The following HERC1 variants were observed in gnomAD, a reference collection of about 807,000 sequenced individuals.
HERC1 encodes HECT and RLD domain containing E3 ubiquitin protein ligase family member 1.
In HERC1, 160 loss-of-function variants were observed where a neutral mutation model predicts 554.3. The ratio of observed to expected loss-of-function variants is 0.29; its 90% CI spans 0.25 to 0.33. The LOEUF (loss-of-function observed/expected upper bound fraction) is 0.33, where lower values mean the gene tolerates loss of function less well. Ranked by LOEUF, HERC1 falls within the 10% of genes least tolerant of loss-of-function variation. The pLI is 1.00. For synonymous variants in HERC1, 2,175 were observed against 2,131.7 expected (o/e 1.02, Z -0.56); for missense variants, 4,919 against 5,918.5 (o/e 0.83, Z 5.54).
At chr15:63,635,129 C>T (rs1197023766) in intron 65 of HERC1, among the ~76,000 whole-genome samples, 1 of 151,910 alleles carries the variant, frequency 6.6e-6, no homozygotes, top group African/African-American at 2.4e-5. Context: ...CTCACTGCAG[C>T]CCCAAACTCC....
Position 63,654,245 on chromosome 15 carries a change from A to G in HERC1, c.10164T>C (p.Ala3388=). 6.2e-7 allele frequency: 1 copy of G among 1,614,022 alleles called. No individual in the cohort carries two copies. ...RLSSQHRQWA[A]QQLVRTLAAH... Reference sequence around the variant, plus strand: ...CAGCAAGAGTGCGCACGAGTTGCTGAGCTGCCCATTGCCGATGCTGTGAGG... The same window carrying G: ...CAGCAAGAGTGCGCACGAGTTGCTGGGCTGCCCATTGCCGATGCTGTGAGG... Residue 3388 remains alanine (A), a synonymous_variant, in exon 51 of 78, where the codon GCT becomes GCC. Coordinates refer to ENST00000443617, the MANE Select transcript of HERC1 (RefSeq NM_003922.4).
rs1304272623 is a variant in HERC1, at chr15:63,815,996, A to G, written c.-27+17831T>C. On this transcript the variant is annotated intron_variant, in intron 1 of 77. Coordinates refer to ENST00000443617, the MANE Select transcript of HERC1 (RefSeq NM_003922.4). ...AAACAGCATGAGGGTAACCATCCCC[A>G]CGATTCATTTACCTCCCACCGGGTC... Among the ~76,000 whole-genome samples, 3 of 152,162 alleles carry G rather than the reference A, an allele frequency of 2.0e-5. No individual in the cohort carries two copies. In the East Asian group the frequency reaches 5.8e-4, roughly 29 times the overall value.
At chr15:63,811,741 G>A (rs140195765) in intron 1 of HERC1, among the ~76,000 whole-genome samples, 2,990 of 149,986 alleles carry the variant, frequency 0.02, 92 homozygotes, top group African/African-American at 0.071. Flanking sequence ...CCCAGAAGGT[G>A]GAGCTTGCAG....
rs572953734 is a variant in HERC1, at chr15:63,658,475, A to C, written c.9599+69T>G. The C allele has an allele frequency of 3.3e-4, 462 of 1,400,374 alleles. 13 individuals are homozygous for C. In the South Asian group the frequency reaches 6.0e-3, roughly 18 times the overall value. 86.7% of individuals were successfully genotyped at this position (1,400,374 alleles called of 1,614,324 possible). Reference sequence around the variant, plus strand: ...AAAATTCTATCTCACCCTCCCAAACACCACCAGACTTCCAGCTAATGTACA... The same window carrying C: ...AAAATTCTATCTCACCCTCCCAAACCCCACCAGACTTCCAGCTAATGTACA... On this transcript the variant is annotated intron_variant, in intron 48 of 77. Transcript: ENST00000443617.
At chr15:63,621,330 C>T (rs1021349815) in intron 74 of HERC1, among the ~76,000 whole-genome samples, 1 of 152,228 alleles carries the variant, frequency 6.6e-6, no homozygotes, top group Admixed American at 6.5e-5. Context: ...CCCCCACTCT[C>T]TTCTGGCTTG....
intron 40 of HERC1, among the ~76,000 whole-genome samples, chr15:63,667,880 T>C (rs986472996): frequency 1.3e-5 from 2 of 152,204 alleles, no homozygotes; most frequent in Non-Finnish European, 2.9e-5. Flanking sequence ...CTCCTTTTCC[T>C]AGCCTACTCA....
intron 2 of HERC1, among the ~76,000 whole-genome samples, chr15:63,773,444 CAA>C (rs370465670): frequency 1.2e-4 from 9 of 72,912 alleles, no homozygotes; most frequent in Admixed American, 1.5e-4. Context: ...GACTCTGTCT[CAA>C]AAAAAAAAAA....
At chr15:63,652,262 G>C (rs1293611160) in intron 52 of HERC1, among the ~76,000 whole-genome samples, 152 bp downstream of exon 52, 11 of 152,138 alleles carry the variant, frequency 7.2e-5, no homozygotes, top group Admixed American at 7.2e-4. Flanking sequence ...ATCCTGGAAA[G>C]TTAAAAATAC....
intron 12 of HERC1, among the ~76,000 whole-genome samples, chr15:63,743,862 G>A (rs535185264): frequency 2.2e-4 from 33 of 152,258 alleles, no homozygotes; most frequent in Middle Eastern, 6.8e-3. Flanking sequence ...TGGTGTGGAT[G>A]CCAGTAGATA....
chr15:63,672,712 G>T lies in HERC1; in HGVS notation c.7847-18C>A. 1 of 1,532,342 alleles carries T rather than the reference G, an allele frequency of 6.5e-7. No homozygotes were observed. The highest frequency in any genetic ancestry group is 1.3e-5 in the South Asian group (1 of 79,828). 94.9% of individuals were successfully genotyped at this position (1,532,342 alleles called of 1,614,324 possible). A position where few individuals can be genotyped will look rare whatever the true frequency, so the allele number is the denominator to read the frequency against. On this transcript the variant is annotated intron_variant, in intron 38 of 77. Coordinates refer to ENST00000443617, the MANE Select transcript of HERC1 (RefSeq NM_003922.4). Reference sequence around the variant, plus strand: ...ATCAATCTCTAGAAACCAAAAAAAAGGTTAAGAAAGTAGTAAGGATTTGTT... The same window carrying T: ...ATCAATCTCTAGAAACCAAAAAAAATGTTAAGAAAGTAGTAAGGATTTGTT...
rs542567805 is a variant in HERC1 at position 63,721,146 on chromosome 15, T to C, written c.3742+2036A>G. ...AATATGAAATATCAGAAAATACATC[T>C]TAGAAAGTAAACTTTTTTCCTCCTC... On this transcript the variant is annotated intron_variant, in intron 19 of 77. Transcript: ENST00000443617. 2.6e-5 allele frequency among the ~76,000 whole-genome samples: 4 copies of C among 152,292 alleles called. No individual in the cohort carries two copies. In the South Asian group the frequency reaches 8.3e-4, roughly 32 times the overall value.
chr15:63,672,690 A>C lies in HERC1; in HGVS notation c.7851T>G (p.Ile2617Met). The C allele has an allele frequency of 7.5e-6, 12 of 1,594,180 alleles. No individual in the cohort carries two copies. The highest frequency in any genetic ancestry group is 1.0e-5 in the Non-Finnish European group (12 of 1,168,692). The change falls in exon 39 of 78, where the codon ATT (isoleucine) becomes ATG (methionine). Residue 2617 changes from isoleucine to methionine, a missense_variant. Ile to Met is a conservative substitution (Grantham distance 10, BLOSUM62 1). Around this residue, in one of 11 missense-constraint regions of HERC1, gnomAD observed 1,963 missense variants for 2,228.6 expected, o/e 0.88. Coordinates refer to ENST00000443617, the MANE Select transcript of HERC1 (RefSeq NM_003922.4). ...GGTCACTTTCTTCAGCTTGTTGATC[A>C]ATCTCTAGAAACCAAAAAAAAGGTT... is the stretch of plus-strand genomic sequence containing the variant. ...DQFGGKIKQEIDQQAEESDPA... is the reference protein window; with the variant it reads ...DQFGGKIKQEMDQQAEESDPA...
At chr15:63,705,620 A>G (rs920951872) in intron 25 of HERC1, among the ~76,000 whole-genome samples, 2 of 152,206 alleles carry the variant, frequency 1.3e-5, no homozygotes, top group East Asian at 1.9e-4. Context: ...CTGAAATACA[A>G]AAGATTTAAT....
rs373494715 is a variant in HERC1 at position 63,698,800 on chromosome 15, C to G, written c.4833G>C (p.Glu1611Asp). 11 of 1,613,806 alleles carry G rather than the reference C, an allele frequency of 6.8e-6. No homozygotes were observed. Among genetic ancestry groups the G allele is most frequent in the Non-Finnish European group, 8.5e-6 (10 of 1,179,856 alleles). Residue 1611 changes from glutamate to aspartate, a missense_variant, in exon 26 of 78, where the codon GAG becomes GAC. Physicochemically the swap from Glu to Asp is conservative, Grantham distance 45. Around this residue, in one of 11 missense-constraint regions of HERC1, gnomAD observed 1,121 missense variants for 1,244.0 expected, o/e 0.90. Coordinates refer to ENST00000443617, the MANE Select transcript of HERC1 (RefSeq NM_003922.4). ...GDVGNAPGFK[E>D]PEESMSTSPQ... ...GACTTGTAGACATACTTTCCTCTGG[C>G]TCTTTAAAACCTGGGGCATTCCCCA...
intron 2 of HERC1, among the ~76,000 whole-genome samples, chr15:63,769,995 C>T (rs1039749405): frequency 3.9e-5 from 6 of 152,142 alleles, no homozygotes; most frequent in African/African-American, 1.2e-4. Flanking sequence ...AGACGGAGTA[C>T]ATTTCCTTCC....
chr15:63,784,485 AG>A lies in HERC1; in HGVS notation c.-26-8837del, dbSNP rs61238562. Among the ~76,000 whole-genome samples the A allele has an allele frequency of 9.4e-4, 143 of 152,356 alleles. 2 individuals carry two copies. In the East Asian group the frequency reaches 0.016, roughly 17 times the overall value. ...TGCTGAAAACATTTTTTTAAAACCT[AG>A]GAACACTAGTTGCCTCTGGGAGAAG... On this transcript the variant is annotated intron_variant, in intron 1 of 77. Coordinates refer to ENST00000443617, the MANE Select transcript of HERC1 (RefSeq NM_003922.4).
intron 1 of HERC1, 80 bp downstream of exon 1, chr15:63,833,747 G>GCACACA (rs1279912396): frequency 5.9e-5 from 7 of 117,804 alleles, no homozygotes; most frequent in African/African-American, 1.6e-4. Flanking sequence ...GCACACACGC[G>GCACACA]CGCGCGCACA....
chr15:63,827,880 A>C (rs895981233), intron 1 of HERC1, among the ~76,000 whole-genome samples: 1 of 152,348 alleles, frequency 6.6e-6, no homozygotes, highest in East Asian at 1.9e-4. Context: ...GAAAGAAGCC[A>C]GGCACAAAAC....
chr15:63,610,765 G>T (rs960903774), intron 77 of HERC1, among the ~76,000 whole-genome samples: 2 of 152,238 alleles, frequency 1.3e-5, no homozygotes, highest in Non-Finnish European at 2.9e-5. Flanking sequence ...AAGGGCCTGT[G>T]TGTGAAGAGG....
Sources: gnomAD v4.1 joint callset for allele counts (sites outside exome capture counted in the v4.1 genomes callset) on GRCh38, gnomAD v4.1.1 for gene constraint, gnomAD v4.1.1 regional missense constraint, MANE v1.5 for transcripts, NCBI Gene and HGNC (gene_info 2026-07-23, HGNC 2026-07-21) for gene names.